CBLB: variants seen among roughly 807,000 people sequenced by gnomAD.
CBLB encodes Cbl proto-oncogene B.
Under a neutral mutation model 104.9 loss-of-function variants are expected in CBLB, and 31 were observed. The ratio of observed to expected loss-of-function variants is 0.30; its 90% confidence interval spans 0.22 to 0.40. The LOEUF is 0.40. Ranked by LOEUF, CBLB falls within the 10% of genes least tolerant of loss-of-function variation. The pLI is 1.00. For missense variants in CBLB, 1,062 were observed against 1,214.6 expected (o/e 0.87, Z 1.87); for synonymous variants, 440 against 422.6 (o/e 1.04, Z -0.51).
intron 18 of CBLB, among the ~76,000 whole-genome samples, chr3:105,665,156 A>G (rs2064233121): frequency 6.6e-6 from 1 of 152,004 alleles, no homozygotes; most frequent in South Asian, 2.1e-4. Flanking sequence ...TAATCCTAGC[A>G]GTTTGAGAGG....
intron 3 of CBLB, among the ~76,000 whole-genome samples, chr3:105,818,151 C>T (rs1295527688): frequency 1.3e-5 from 2 of 152,078 alleles, no homozygotes; most frequent in African/African-American, 4.8e-5. Context: ...AGAAACTTCT[C>T]AGAATGATTA....
chr3:105,845,889 T>A (rs2090181069), intron 3 of CBLB, among the ~76,000 whole-genome samples: 1 of 152,228 alleles, frequency 6.6e-6, no homozygotes, highest in South Asian at 2.1e-4. Context: ...AATAAACTTT[T>A]TATTCATTTA....
At chr3:105,774,672 G>C (rs930448240) in intron 4 of CBLB, among the ~76,000 whole-genome samples, 1 of 152,038 alleles carries the variant, frequency 6.6e-6, no homozygotes, top group Non-Finnish European at 1.5e-5. Flanking sequence ...GATGTCTGTG[G>C]TTATAAATAA....
At position 105,690,173 on chromosome 3, in the gene CBLB, T is replaced by C. The variant is rs536609478; in HGVS notation, c.2054+3321A>G. Reference sequence around the variant, plus strand: ...AGCTTTGACATTCTTGGATTTAACATTGGAGTTTTCAACATTTGTAAGAAC... The same window carrying C: ...AGCTTTGACATTCTTGGATTTAACACTGGAGTTTTCAACATTTGTAAGAAC... On this transcript the variant is annotated intron_variant, in intron 13 of 18. Transcript: ENST00000394030. Among the ~76,000 whole-genome samples the C allele has an allele frequency of 3.9e-5, 6 of 152,332 alleles. No homozygotes were observed. The East Asian group carries it at 5.8e-4, about 15-fold the overall frequency.
At chr3:105,825,882 C>A (rs1045856121) in intron 3 of CBLB, among the ~76,000 whole-genome samples, 3 of 152,070 alleles carry the variant, frequency 2.0e-5, no homozygotes, top group African/African-American at 7.2e-5. Context: ...CAAAGATCGA[C>A]CCCAATTTTT....
At chr3:105,695,360 T>C (rs961131013) in intron 12 of CBLB, among the ~76,000 whole-genome samples, 1 of 151,834 alleles carries the variant, frequency 6.6e-6, no homozygotes, top group Non-Finnish European at 1.5e-5. Flanking sequence ...AAAATACCAA[T>C]ACACTCAAAC....
intron 3 of CBLB, among the ~76,000 whole-genome samples, chr3:105,796,546 A>C (rs2153005536): frequency 6.6e-6 from 1 of 152,292 alleles, no homozygotes; most frequent in East Asian, 1.9e-4. Context: ...GATTTCATGA[A>C]GAAGATGCCA....
intron 13 of CBLB, among the ~76,000 whole-genome samples, chr3:105,688,802 G>C (rs1217402874): frequency 6.6e-6 from 1 of 151,894 alleles, no homozygotes; most frequent in Non-Finnish European, 1.5e-5. Flanking sequence ...TAATTTTCAA[G>C]GGTCTTTCAT....
At chr3:105,687,110 T>C (rs2067103947) in intron 13 of CBLB, among the ~76,000 whole-genome samples, 1 of 152,108 alleles carries the variant, frequency 6.6e-6, no homozygotes, top group African/African-American at 2.4e-5. Flanking sequence ...CCAAATGAAA[T>C]GAGAAATATA....
intron 6 of CBLB, among the ~76,000 whole-genome samples, chr3:105,741,867 T>C (rs1235785134): frequency 6.6e-6 from 1 of 152,214 alleles, no homozygotes; most frequent in African/African-American, 2.4e-5. Context: ...CTGCCATTCA[T>C]CCCTAAAGCT....
chr3:105,674,091 C>G (rs1159200858), intron 17 of CBLB: 1 of 152,182 alleles, frequency 6.6e-6, no homozygotes, highest in Non-Finnish European at 1.5e-5. Flanking sequence ...AGCAAATCCC[C>G]AGGAGATGCT....
chr3:105,751,316 A>T lies in CBLB; in HGVS notation c.723+146T>A, dbSNP rs1045975640. The T allele has an allele frequency of 7.0e-6, 5 of 717,692 alleles. No homozygotes were observed. In the African/African-American group the frequency reaches 8.9e-5, roughly 13 times the overall value. The allele number at this position is 717,692 out of a possible 1,614,324, so 44.5% of individuals were successfully genotyped here. On this transcript the variant is annotated intron_variant, in intron 5 of 18. Transcript: ENST00000394030. ...AACAATGACCAAACATACCAATAAA[A>T]TTACAGACTAATAGGAATGACACTA... is the stretch of plus-strand genomic sequence containing the variant.
At chr3:105,787,416 A>G (rs1013285661) in intron 3 of CBLB, among the ~76,000 whole-genome samples, 5 of 152,176 alleles carry the variant, frequency 3.3e-5, no homozygotes, top group Admixed American at 2.0e-4. Context: ...CAAGAGTGAA[A>G]GCTTCTCTTA....
At chr3:105,664,388 AATACTT>A (rs1265758598) in intron 18 of CBLB, among the ~76,000 whole-genome samples, 2 of 152,186 alleles carry the variant, frequency 1.3e-5, no homozygotes, top group Non-Finnish European at 2.9e-5. Context: ...AATGTGGTAA[AATACTT>A]ATAATACTCC....
At chr3:105,677,498 TA>T (rs975241922) in intron 17 of CBLB, among the ~76,000 whole-genome samples, 2 of 151,988 alleles carry the variant, frequency 1.3e-5, no homozygotes, top group Non-Finnish European at 2.9e-5. Context: ...GAGCACTTTT[TA>T]AAGATTTTCA....
chr3:105,869,158 G>C, upstream of CBLB: 1 of 624,314 alleles, frequency 1.6e-6, no homozygotes, highest in South Asian at 1.7e-5. Context: ...CGTCCTCCTC[G>C]CGCTGCCGCC....
chr3:105,716,481 T>A (rs2071895892), intron 10 of CBLB, among the ~76,000 whole-genome samples: 1 of 152,164 alleles, frequency 6.6e-6, no homozygotes, highest in Non-Finnish European at 1.5e-5. Context: ...GAAGTACATA[T>A]AAAATACTAT....
intron 3 of CBLB, among the ~76,000 whole-genome samples, chr3:105,793,209 A>G (rs932637251): frequency 6.6e-6 from 1 of 152,120 alleles, no homozygotes; most frequent in African/African-American, 2.4e-5. Context: ...GTGATTTGAA[A>G]GGAGCAGCTG....
chr3:105,785,461 C>A (rs748028325), intron 3 of CBLB, among the ~76,000 whole-genome samples: 8 of 152,076 alleles, frequency 5.3e-5, no homozygotes, highest in Non-Finnish European at 1.0e-4. Context: ...AGAATACCAA[C>A]AAGACAAAGG....
Sources: allele counts gnomAD v4.1 joint callset (sites outside exome capture counted in the v4.1 genomes callset), GRCh38; gene constraint gnomAD v4.1.1; transcripts MANE v1.5; gene names NCBI Gene and HGNC (gene_info 2026-07-23, HGNC 2026-07-21).